KSR2: variants seen among roughly 807,000 people sequenced by gnomAD.
KSR2 encodes kinase suppressor of ras 2.
KSR2 carries 25 observed loss-of-function variants against 107.8 expected under a neutral mutation model. That is an observed-to-expected ratio of 0.23 (90% CI 0.17 to 0.32). The LOEUF (loss-of-function observed/expected upper bound fraction) is 0.32, where lower values mean the gene tolerates loss of function less well. Among genes scored for constraint, KSR2 ranks in the 10% least tolerant of loss-of-function variants. The probability of loss-of-function intolerance (pLI) is 1.00; values close to 1 mark genes in which losing one functional copy is unlikely to be tolerated. For missense variants in KSR2, 887 were observed against 1,268.9 expected (o/e 0.70, Z 4.57); for synonymous variants, 480 against 507.0 (o/e 0.95, Z 0.71).
intron 4 of KSR2, among the ~76,000 whole-genome samples, chr12:117,742,170 A>G (rs1428229837): frequency 6.6e-6 from 1 of 152,238 alleles, no homozygotes; most frequent in African/African-American, 2.4e-5. Flanking sequence ...AAGTTGAAAG[A>G]TAGCCTACAG....
At chr12:117,469,186 T>C (rs1321620408) in intron 19 of KSR2, among the ~76,000 whole-genome samples, 1 of 152,150 alleles carries the variant, frequency 6.6e-6, no homozygotes, top group Non-Finnish European at 1.5e-5. Flanking sequence ...GCAGAGATAC[T>C]TCTGGTGAGC....
At position 117,761,102 on chromosome 12, in the gene KSR2, T is replaced by A; in HGVS notation, c.895A>T (p.Ile299Leu). 1 of 1,613,580 alleles carries A rather than the reference T, an allele frequency of 6.2e-7. No individual in the cohort carries two copies. Among genetic ancestry groups the A allele is most frequent in the Non-Finnish European group, 8.5e-7 (1 of 1,179,682 alleles). The change falls in exon 4 of 20, where the codon ATA becomes TTA. Residue 299 changes from isoleucine (I) to leucine (L), a missense_variant. Ile to Leu is a conservative substitution (Grantham distance 5). Transcript: ENST00000339824. Reference sequence around the variant, plus strand: ...GCGGTGAATCCCGGGATCAAGTGTATCAGTTTTCGGGAGGAGGGCGGTGGG... The same window carrying A: ...GCGGTGAATCCCGGGATCAAGTGTAACAGTTTTCGGGAGGAGGGCGGTGGG... ...GTPPPSSRKLIHLIPGFTALH... is the reference protein window; with the variant it reads ...GTPPPSSRKLLHLIPGFTALH...
chr12:117,695,010 C>T (rs1006608707), intron 4 of KSR2, among the ~76,000 whole-genome samples: 1 of 152,008 alleles, frequency 6.6e-6, no homozygotes, highest in African/African-American at 2.4e-5. Flanking sequence ...GCCACCACAC[C>T]CAGCTAATTT....
chr12:117,577,027 C>G (rs1464343622), intron 7 of KSR2, among the ~76,000 whole-genome samples: 1 of 152,088 alleles, frequency 6.6e-6, no homozygotes, highest in Non-Finnish European at 1.5e-5. Flanking sequence ...TCAACCTTAT[C>G]ATTACTCAGG....
intron 5 of KSR2, among the ~76,000 whole-genome samples, chr12:117,586,209 G>A (rs1417780491): frequency 2.6e-5 from 4 of 152,084 alleles, no homozygotes; most frequent in African/African-American, 7.2e-5. Flanking sequence ...GGAAAAATAC[G>A]TGAGGATATA....
At chr12:117,839,058 A>G (rs967224381) in intron 3 of KSR2, among the ~76,000 whole-genome samples, 3 of 152,340 alleles carry the variant, frequency 2.0e-5, no homozygotes, top group Admixed American at 1.3e-4. Flanking sequence ...ATACTTGGTC[A>G]ACCCCTGTTT....
At chr12:117,668,311 G>A (rs1040486497) in intron 4 of KSR2, among the ~76,000 whole-genome samples, 4 of 152,144 alleles carry the variant, frequency 2.6e-5, no homozygotes, top group Non-Finnish European at 4.4e-5. Flanking sequence ...GCCCACCCAC[G>A]GCTCTGTCTA....
intron 5 of KSR2, among the ~76,000 whole-genome samples, chr12:117,647,387 C>A (rs574963859): frequency 6.6e-6 from 1 of 152,278 alleles, no homozygotes. Context: ...AAAGCAGGGT[C>A]TCAGATCCTG....
intron 4 of KSR2, among the ~76,000 whole-genome samples, chr12:117,682,390 T>G (rs1173170456): frequency 1.3e-5 from 2 of 151,992 alleles, no homozygotes; most frequent in African/African-American, 4.8e-5. Context: ...GTGACAAACC[T>G]GCATGTCCTG....
intron 17 of KSR2, among the ~76,000 whole-genome samples, chr12:117,475,941 G>A (rs538497106): frequency 1.7e-4 from 26 of 152,318 alleles, no homozygotes; most frequent in African/African-American, 5.5e-4. Context: ...CTGTGTGAGT[G>A]GGCCACCAGG....
At chr12:117,624,107 T>C (rs964179638) in intron 5 of KSR2, among the ~76,000 whole-genome samples, 1 of 152,210 alleles carries the variant, frequency 6.6e-6, no homozygotes, top group Non-Finnish European at 1.5e-5. Flanking sequence ...TTGAGCTCTT[T>C]GTAGATTCTG....
intron 4 of KSR2, among the ~76,000 whole-genome samples, chr12:117,756,668 C>T (rs542795784): frequency 6.6e-6 from 1 of 152,196 alleles, no homozygotes; most frequent in Non-Finnish European, 1.5e-5. Flanking sequence ...GTAATTTTAT[C>T]TTTCAAGTCT....
intron 4 of KSR2, among the ~76,000 whole-genome samples, chr12:117,705,491 A>T (rs542429): frequency 3.5e-4 from 53 of 152,192 alleles, no homozygotes; most frequent in Non-Finnish European, 6.9e-4. Context: ...TGGGCCCCCA[A>T]GGGACACCTA....
chr12:117,776,931 G>A (rs1199233824), intron 3 of KSR2, among the ~76,000 whole-genome samples: 1 of 151,826 alleles, frequency 6.6e-6, no homozygotes, highest in Non-Finnish European at 1.5e-5. Context: ...TAAAGTCACT[G>A]CAAATACTGA....
In KSR2 at chr12:117,968,306, G is replaced by GGGT. The variant is rs1566105107; in HGVS notation, c.-52_-51insACC. 4 of 1,092,664 alleles carry GGGT rather than the reference G, an allele frequency of 3.7e-6. No homozygotes were observed. The highest frequency in any genetic ancestry group is 6.2e-5 in the Admixed American group (1 of 16,256). 67.7% of individuals were successfully genotyped at this position (1,092,664 alleles called of 1,614,324 possible). Reference sequence around the variant, plus strand: ...TCCTCCTCCTCCCAGAGAGAAAAAAGAGGGGGGGGAGTAGAGGTAGTCTAC... The same window carrying GGGT: ...TCCTCCTCCTCCCAGAGAGAAAAAAGGGTAGGGGGGGGAGTAGAGGTAGTCTAC... On this transcript the variant is annotated 5_prime_UTR_variant, in exon 1 of 20. Transcript: ENST00000339824.
chr12:117,489,912 G>C (rs1872659861), intron 14 of KSR2, among the ~76,000 whole-genome samples: 1 of 152,212 alleles, frequency 6.6e-6, no homozygotes. Flanking sequence ...AATTCCTCAT[G>C]ACTAATAATG....
chr12:117,582,089 G>A (rs1879697811), intron 6 of KSR2, among the ~76,000 whole-genome samples: 1 of 152,184 alleles, frequency 6.6e-6, no homozygotes, highest in Admixed American at 6.5e-5. Context: ...AATTTTATAA[G>A]GGTCAGATTA....
chr12:117,505,501 A>G (rs959024822), intron 14 of KSR2, among the ~76,000 whole-genome samples: 2 of 152,154 alleles, frequency 1.3e-5, no homozygotes, highest in African/African-American at 4.8e-5. Flanking sequence ...CCCTGGGCAA[A>G]TAACATTTCC....
chr12:117,717,666 G>GT (rs1887038768), intron 4 of KSR2, among the ~76,000 whole-genome samples: 9 of 144,366 alleles, frequency 6.2e-5, no homozygotes, highest in African/African-American at 2.3e-4. Context: ...GGGGCAGACA[G>GT]GTGTGTGTGT....
Sources: gnomAD v4.1 joint callset for allele counts (sites outside exome capture counted in the v4.1 genomes callset) on GRCh38, gnomAD v4.1.1 for gene constraint, MANE v1.5 for transcripts, NCBI Gene and HGNC (gene_info 2026-07-23, HGNC 2026-07-21) for gene names.